Variants in WFDC10B observed in about 807,000 individuals in gnomAD.
The protein encoded by WFDC10B is WAP four-disulfide core domain 10B.
A neutral mutation model predicts 2.7 loss-of-function variants in WFDC10B; 1 was observed. That is an observed-to-expected ratio of 0.38 (90% CI 0.13 to 1.79). The LOEUF (loss-of-function observed/expected upper bound fraction) is 1.79. Among genes scored for constraint, WFDC10B ranks in the 40% most tolerant of loss-of-function variants. The pLI is 0.33. For synonymous variants in WFDC10B, 26 were observed against 32.2 expected (o/e 0.81, Z 0.65); for missense variants, 71 against 87.8 (o/e 0.81, Z 0.76).
chr20:45,692,048 T>C (rs1010976162), intron 2 of WFDC10B, among the ~76,000 whole-genome samples: 2 of 152,232 alleles, frequency 1.3e-5, no homozygotes, highest in East Asian at 1.9e-4. Flanking sequence ...ACAAAATCTC[T>C]CAGTATTTGC....
At chr20:45,690,751 G>A (rs1983786827) in intron 2 of WFDC10B, among the ~76,000 whole-genome samples, 1 of 151,762 alleles carries the variant, frequency 6.6e-6, no homozygotes, top group East Asian at 1.9e-4. Context: ...TCTTGCTAGT[G>A]GTCTATCAAT....
At chr20:45,694,106 A>G (rs111835084) in intron 2 of WFDC10B, among the ~76,000 whole-genome samples, 4 of 152,242 alleles carry the variant, frequency 2.6e-5, no homozygotes, top group African/African-American at 9.6e-5. Context: ...ATGATAGTCT[A>G]TTTTGCTGTA....
intron 1 of WFDC10B, 131 bp from the exon 2 acceptor site, chr20:45,704,692 T>A: frequency 1.3e-6 from 2 of 1,512,776 alleles, no homozygotes; most frequent in Non-Finnish European, 1.8e-6. Flanking sequence ...CTCTCCTTTT[T>A]TTTTTTTTTC....
chr20:45,696,799 C>T (rs1983992744), intron 2 of WFDC10B, among the ~76,000 whole-genome samples: 1 of 152,058 alleles, frequency 6.6e-6, no homozygotes, highest in African/African-American at 2.4e-5. Context: ...AAAAGAATGC[C>T]TAGGGCTAGA....
chr20:45,685,770 G>C, intron 3 of WFDC10B, 132 bp downstream of exon 3: 1 of 1,437,472 alleles, frequency 7.0e-7, no homozygotes. Flanking sequence ...ACAGCCCAGA[G>C]TCTGCACAGC....
At chr20:45,704,418 CT>C in intron 2 of WFDC10B, 78 bp downstream of exon 2, 1 of 1,600,704 alleles carries the variant, frequency 6.2e-7, no homozygotes, top group Non-Finnish European at 8.5e-7. Context: ...TGGTGAGGCC[CT>C]TCTCTTACTT....
intron 2 of WFDC10B, among the ~76,000 whole-genome samples, chr20:45,704,226 C>A (rs1014008287): frequency 6.6e-6 from 1 of 152,172 alleles, no homozygotes; most frequent in Non-Finnish European, 1.5e-5. Flanking sequence ...AGGGTTCTAC[C>A]AAACTCTGTT....
At position 45,692,334 on chromosome 20, in the gene WFDC10B, G is replaced by T. The variant is rs565010161; in HGVS notation, c.-64-6278C>A. ...GTGTCTTGGAGTTGCTCTTCTCGAGGAGTATCTTTGTGGCATTCTCTGTAT... is the reference window on the plus strand; with the variant it reads ...GTGTCTTGGAGTTGCTCTTCTCGAGTAGTATCTTTGTGGCATTCTCTGTAT... On this transcript the variant is annotated intron_variant, in intron 2 of 3. Coordinates refer to ENST00000330523, the MANE Select transcript of WFDC10B (RefSeq NM_172006.2). Among the ~76,000 whole-genome samples, 33 of 152,074 alleles carry T rather than the reference G, an allele frequency of 2.2e-4. No individual in the cohort carries two copies. The East Asian group carries it at 4.6e-3, about 21-fold the overall frequency.
intron 2 of WFDC10B, among the ~76,000 whole-genome samples, chr20:45,694,467 TTCA>T (rs1983921773): frequency 1.3e-5 from 2 of 152,132 alleles, no homozygotes; most frequent in South Asian, 4.1e-4. Flanking sequence ...AAAGGGTCAA[TTCA>T]TCAAAAAGAT....
chr20:45,685,854 T>G (rs1291933936), intron 3 of WFDC10B, 48 bp downstream of exon 3: 3 of 1,606,134 alleles, frequency 1.9e-6, no homozygotes, highest in Non-Finnish European at 2.5e-6. Flanking sequence ...AGCTCCTCCA[T>G]TCCCCCTACC....
chr20:45,689,593 C>A (rs1352495583), intron 2 of WFDC10B, among the ~76,000 whole-genome samples: 1 of 152,148 alleles, frequency 6.6e-6, no homozygotes, highest in Non-Finnish European at 1.5e-5. Flanking sequence ...ATTTTATTCT[C>A]TTTGAAGCAA....
intron 2 of WFDC10B, chr20:45,702,220 TG>T: frequency 6.2e-7 from 1 of 1,609,678 alleles, no homozygotes; most frequent in East Asian, 2.2e-5. Flanking sequence ...GAGTAGGTGC[TG>T]GATCTGGGCC....
chr20:45,699,879 A>G (rs1019098184), intron 2 of WFDC10B, among the ~76,000 whole-genome samples: 1 of 152,192 alleles, frequency 6.6e-6, no homozygotes, highest in Admixed American at 6.5e-5. Flanking sequence ...GGGTTTCACC[A>G]TGTTGACCAG....
intron 3 of WFDC10B, 28 bp from the exon 4 acceptor site, chr20:45,684,988 G>A (rs2145632952): frequency 1.9e-6 from 3 of 1,612,954 alleles, no homozygotes; most frequent in South Asian, 1.1e-5. Context: ...CAGGGTCAAT[G>A]AAACCATGCA....
intron 2 of WFDC10B, among the ~76,000 whole-genome samples, chr20:45,687,663 A>G (rs538516143): frequency 5.0e-4 from 76 of 152,212 alleles, no homozygotes; most frequent in Admixed American, 1.6e-3. Flanking sequence ...CCACAACCTC[A>G]ACAGCATCTG....
intron 2 of WFDC10B, among the ~76,000 whole-genome samples, chr20:45,696,409 A>G (rs1983982060): frequency 6.6e-6 from 1 of 152,040 alleles, no homozygotes; most frequent in Non-Finnish European, 1.5e-5. Flanking sequence ...ACATGTGAGC[A>G]CAGAAAAATG....
At chr20:45,698,184 T>C (rs1568673487) in intron 2 of WFDC10B, among the ~76,000 whole-genome samples, 2 of 152,242 alleles carry the variant, frequency 1.3e-5, no homozygotes, top group African/African-American at 4.8e-5. Context: ...CCTTGTTGGC[T>C]GTGTGACCCA....
At chr20:45,704,586 G>A in intron 1 of WFDC10B, 25 bp from the exon 2 acceptor site, 1 of 1,613,976 alleles carries the variant, frequency 6.2e-7, no homozygotes, top group South Asian at 1.1e-5. Flanking sequence ...CATTTCAAAA[G>A]CGCAACAGGT....
At chr20:45,704,314 G>A in intron 2 of WFDC10B, 183 bp downstream of exon 2, 1 of 1,262,818 alleles carries the variant, frequency 7.9e-7, no homozygotes, top group Non-Finnish European at 1.1e-6. Flanking sequence ...AAAACCTGAT[G>A]CCACCACCCT....
Sources: gnomAD v4.1 joint callset for allele counts (sites outside exome capture counted in the v4.1 genomes callset) on GRCh38, gnomAD v4.1.1 for gene constraint, MANE v1.5 for transcripts, NCBI Gene and HGNC (gene_info 2026-07-23, HGNC 2026-07-21) for gene names.